Variants in LRMDA observed in about 807,000 individuals in gnomAD.
The protein encoded by LRMDA is leucine-rich melanocyte differentiation-associated protein.
A neutral mutation model predicts 29.8 loss-of-function variants in LRMDA; 18 were observed. The observed-to-expected ratio is 0.60, with a 90% CI of 0.42 to 0.90. The LOEUF is 0.90. Ranked by LOEUF, LRMDA falls within the 40% of genes least tolerant of loss-of-function variation. LRMDA has a pLI of 0.00. For synonymous variants in LRMDA, 125 were observed against 109.4 expected, an observed-to-expected ratio of 1.14 and a Z score of -0.89; for missense variants, 273 against 273.9, an observed-to-expected ratio of 1.00 and a Z score of 0.02.
At chr10:75,902,270 A>G (rs752936123) in intron 2 of LRMDA, among the ~76,000 whole-genome samples, 11 of 152,170 alleles carry the variant, frequency 7.2e-5, no homozygotes, top group Non-Finnish European at 1.6e-4. Context: ...AGAAATGCTT[A>G]GGGTTGTTTG....
intron 2 of LRMDA, among the ~76,000 whole-genome samples, chr10:75,677,059 C>T (rs1321983250): frequency 6.6e-6 from 1 of 152,050 alleles, no homozygotes; most frequent in African/African-American, 2.4e-5. Flanking sequence ...ATGAGGAACA[C>T]CAAAAAAAGT....
chr10:76,505,560 C>G (rs1842951213), intron 6 of LRMDA, among the ~76,000 whole-genome samples: 1 of 151,996 alleles, frequency 6.6e-6, no homozygotes, highest in Admixed American at 6.6e-5. Context: ...GCTGTTAATG[C>G]TTCTTATTGT....
intron 2 of LRMDA, among the ~76,000 whole-genome samples, chr10:75,876,234 T>C (rs1418448422): frequency 6.6e-6 from 1 of 152,198 alleles, no homozygotes; most frequent in Non-Finnish European, 1.5e-5. Context: ...GGCTAAGGAA[T>C]TGGAATCCTT....
chr10:76,174,557 C>T (rs749074555), intron 5 of LRMDA, among the ~76,000 whole-genome samples: 4 of 152,110 alleles, frequency 2.6e-5, no homozygotes, highest in Admixed American at 6.5e-5. Context: ...TGTTGTAGAG[C>T]ACTGGGTTTT....
chr10:75,590,517 G>C (rs563701096), intron 2 of LRMDA, among the ~76,000 whole-genome samples: 3 of 152,102 alleles, frequency 2.0e-5, no homozygotes, highest in Non-Finnish European at 4.4e-5. Flanking sequence ...TCAGATAGGA[G>C]ATGAGGAGAA....
chr10:75,563,175 C>T (rs1467465975), intron 2 of LRMDA, among the ~76,000 whole-genome samples: 4 of 152,058 alleles, frequency 2.6e-5, no homozygotes, highest in African/African-American at 4.8e-5. Flanking sequence ...ACCAATCAGA[C>T]GTAGATTTGG....
At chr10:75,691,197 T>C (rs574927330) in intron 2 of LRMDA, among the ~76,000 whole-genome samples, 8 of 136,338 alleles carry the variant, frequency 5.9e-5, no homozygotes, top group African/African-American at 1.4e-4. Flanking sequence ...TAGATATATA[T>C]ACACACACAC....
intron 2 of LRMDA, among the ~76,000 whole-genome samples, chr10:75,986,489 G>T (rs538916495): frequency 6.6e-6 from 1 of 152,350 alleles, no homozygotes; most frequent in East Asian, 1.9e-4. Flanking sequence ...ATGGCTCCAA[G>T]AAGTTTGGCA....
At chr10:75,618,623 C>T (rs893648021) in intron 2 of LRMDA, among the ~76,000 whole-genome samples, 16 of 149,686 alleles carry the variant, frequency 1.1e-4, no homozygotes, top group South Asian at 6.3e-4. Flanking sequence ...CAAAACCTAA[C>T]TACTAATAGC....
chr10:75,767,734 C>T (rs924439436), intron 2 of LRMDA, among the ~76,000 whole-genome samples: 4 of 152,108 alleles, frequency 2.6e-5, no homozygotes, highest in East Asian at 1.9e-4. Context: ...AAATGCCCCC[C>T]GAAAAGAGGT....
At chr10:76,131,318 A>G (rs1449073381) in intron 5 of LRMDA, among the ~76,000 whole-genome samples, 1 of 152,078 alleles carries the variant, frequency 6.6e-6, no homozygotes, top group Non-Finnish European at 1.5e-5. Flanking sequence ...ATGTAAAGCC[A>G]CTTCTCCCAG....
At chr10:75,947,296 G>C (rs1448217303) in intron 2 of LRMDA, among the ~76,000 whole-genome samples, 1 of 152,158 alleles carries the variant, frequency 6.6e-6, no homozygotes, top group Non-Finnish European at 1.5e-5. Flanking sequence ...TGTTGATTTG[G>C]GGGATGAGTT....
intron 2 of LRMDA, among the ~76,000 whole-genome samples, chr10:75,681,756 G>A (rs935887450): frequency 1.3e-5 from 2 of 152,238 alleles, no homozygotes; most frequent in Admixed American, 6.5e-5. Flanking sequence ...GCCCACAGTA[G>A]GAGGGGAAAC....
intron 2 of LRMDA, among the ~76,000 whole-genome samples, chr10:75,587,155 C>CGG (rs1840666693): frequency 1.3e-5 from 2 of 152,090 alleles, no homozygotes; most frequent in Non-Finnish European, 2.9e-5. Context: ...TGTGTGGTGT[C>CGG]AGATAATCCA....
At chr10:76,334,854 T>C (rs1840948446) in intron 6 of LRMDA, among the ~76,000 whole-genome samples, 1 of 152,106 alleles carries the variant, frequency 6.6e-6, no homozygotes, top group South Asian at 2.1e-4. Context: ...CCAGGGCATG[T>C]AGGAGATGAA....
chr10:76,434,380 C>T (rs1293896112), intron 6 of LRMDA, among the ~76,000 whole-genome samples: 1 of 151,990 alleles, frequency 6.6e-6, no homozygotes, highest in African/African-American at 2.4e-5. Flanking sequence ...TCTCTTCACT[C>T]CCTCTTTCTC....
At chr10:75,820,345 C>G (rs1314668999) in intron 2 of LRMDA, among the ~76,000 whole-genome samples, 2 of 152,126 alleles carry the variant, frequency 1.3e-5, no homozygotes, top group African/African-American at 2.4e-5. Flanking sequence ...AGATCAACAC[C>G]AAAGGAACCC....
At chr10:75,935,215 G>T (rs2132404215) in intron 2 of LRMDA, among the ~76,000 whole-genome samples, 1 of 152,306 alleles carries the variant, frequency 6.6e-6, no homozygotes, top group Non-Finnish European at 1.5e-5. Context: ...AGAAGGGCAA[G>T]GGTGAAAAAT....
intron 2 of LRMDA, among the ~76,000 whole-genome samples, chr10:75,917,551 G>C (rs1471762072): frequency 6.6e-6 from 1 of 152,180 alleles, no homozygotes; most frequent in Non-Finnish European, 1.5e-5. Flanking sequence ...TCAGAACAAG[G>C]CTAAATCCGG....
Sources: gnomAD v4.1 joint callset for allele counts (sites outside exome capture counted in the v4.1 genomes callset) on GRCh38, gnomAD v4.1.1 for gene constraint, MANE v1.5 for transcripts, NCBI Gene and HGNC (gene_info 2026-07-23, HGNC 2026-07-21) for gene names.